The following TRANK1 variants were observed in gnomAD, a reference collection of about 807,000 sequenced individuals.
The protein encoded by TRANK1 is TPR and ankyrin repeat-containing protein 1.
In TRANK1, 198 loss-of-function variants were observed where a neutral mutation model predicts 266.0. The observed-to-expected ratio is 0.74, with a 90% confidence interval of 0.66 to 0.84. TRANK1 has a LOEUF of 0.84. Ranked by LOEUF, TRANK1 falls within the 40% of genes least tolerant of loss-of-function variation. TRANK1 has a pLI of 0.00. For missense variants in TRANK1, 3,326 were observed against 3,634.6 expected, an observed-to-expected ratio of 0.92 and a Z score of 2.18; for synonymous variants, 1,396 against 1,384.1, an observed-to-expected ratio of 1.01 and a Z score of -0.19.
At chr3:36,921,320 G>A (rs1336312133) in intron 1 of TRANK1, among the ~76,000 whole-genome samples, 1 of 152,206 alleles carries the variant, frequency 6.6e-6, no homozygotes, top group African/African-American at 2.4e-5. Flanking sequence ...CCCTGTCCAG[G>A]TGTGCTCTCA....
intron 18 of TRANK1, 76 bp downstream of exon 18, chr3:36,842,546 A>G (rs1575188250): frequency 7.7e-7 from 1 of 1,303,296 alleles, no homozygotes; most frequent in African/African-American, 1.5e-5. Context: ...GGTGACAAAC[A>G]CCATGATGTG....
At chr3:36,845,203 C>T (rs746343897) in intron 17 of TRANK1, among the ~76,000 whole-genome samples, 26 of 152,182 alleles carry the variant, frequency 1.7e-4, no homozygotes, top group Admixed American at 4.6e-4. Context: ...TAGGTGTATA[C>T]ATGAATTTAT....
At chr3:36,870,737 C>T (rs2079295416) in intron 9 of TRANK1, among the ~76,000 whole-genome samples, 1 of 152,142 alleles carries the variant, frequency 6.6e-6, no homozygotes, top group South Asian at 2.1e-4. Flanking sequence ...GAACGATGCA[C>T]AGTCCTCTCA....
intron 17 of TRANK1, 28 bp from the exon 18 acceptor site, chr3:36,842,738 C>A (rs2078864292): frequency 1.3e-6 from 2 of 1,589,796 alleles, no homozygotes; most frequent in East Asian, 4.5e-5. Context: ...AGTGTGTTTG[C>A]TTCTCTGGGC....
At chr3:36,829,486 G>T in intron 23 of TRANK1, 78 bp downstream of exon 23, 1 of 1,467,566 alleles carries the variant, frequency 6.8e-7, no homozygotes, top group Non-Finnish European at 9.5e-7. Context: ...CCCCACTTCA[G>T]ATTCCCCCCG....
intron 11 of TRANK1, among the ~76,000 whole-genome samples, chr3:36,859,273 T>C (rs956900975): frequency 5.3e-5 from 8 of 151,200 alleles, no homozygotes; most frequent in Admixed American, 1.3e-4. Context: ...CTTGCTTCTT[T>C]TTTTTTTTTT....
chr3:36,896,160 A>G (rs1372583769), intron 4 of TRANK1, among the ~76,000 whole-genome samples: 1 of 152,272 alleles, frequency 6.6e-6, no homozygotes, highest in Non-Finnish European at 1.5e-5. Flanking sequence ...CCAAAACATT[A>G]GAAACTATGA....
At chr3:36,874,905 G>C (rs2079363714) in intron 8 of TRANK1, among the ~76,000 whole-genome samples, 1 of 151,790 alleles carries the variant, frequency 6.6e-6, no homozygotes, top group East Asian at 1.9e-4. Flanking sequence ...GACTTAAATG[G>C]GCACAGAGAG....
intron 1 of TRANK1, among the ~76,000 whole-genome samples, chr3:36,932,487 T>C (rs2080373333): frequency 6.6e-6 from 1 of 152,156 alleles, no homozygotes; most frequent in Non-Finnish European, 1.5e-5. Context: ...CGCTTGAACC[T>C]GGGAGGTGGA....
rs764277710 is a variant in TRANK1 at position 36,833,178 on chromosome 3, C to A, written c.6405G>T (p.Gly2135=). The change falls in exon 22 of 24, where the codon GGG becomes GGT. Residue 2135 remains glycine, a synonymous_variant. Coordinates refer to ENST00000645898, the MANE Select transcript of TRANK1 (RefSeq NM_001329998.2). The part of the protein sequence containing the change: ...KYCQIAQNDP[G]PILRIIFDLD... ...GGTCAAAAATTATTCTTAATATGGG[C>A]CCAGGGTCATTCTGAGCTATCTGGC... The A allele has an allele frequency of 1.9e-6, 3 of 1,613,796 alleles. No homozygotes were observed. The highest frequency in any genetic ancestry group is 2.5e-6 in the Non-Finnish European group (3 of 1,179,812).
In TRANK1 at chr3:36,889,959, T is replaced by C; in HGVS notation, c.777A>G (p.Arg259=). 1 of 1,536,758 alleles carries C rather than the reference T, an allele frequency of 6.5e-7. No homozygotes were observed. Among genetic ancestry groups the C allele is most frequent in the Non-Finnish European group, 8.7e-7 (1 of 1,146,732 alleles). ...HALMRLCIQA[R]ENHLFRWLMD... The stretch of plus-strand genomic sequence containing the variant: ...TTAACCACCGGAAAAGATGGTTTTC[T>C]CCTGAAGGGAATTAAAATGACTTAC... Residue 259 remains arginine, a splice_region_variant and synonymous_variant, in exon 8 of 24, where the codon AGA becomes AGG. Transcript: ENST00000645898.
At chr3:36,890,113 AC>A (rs1318664298) in intron 7 of TRANK1, among the ~76,000 whole-genome samples, 153 bp from the exon 8 acceptor site, 1 of 152,200 alleles carries the variant, frequency 6.6e-6, no homozygotes, top group Non-Finnish European at 1.5e-5. Flanking sequence ...GAGGAATCCA[AC>A]ATACGTTTCC....
At chr3:36,917,935 T>C (rs1386765597) in intron 1 of TRANK1, among the ~76,000 whole-genome samples, 1 of 152,068 alleles carries the variant, frequency 6.6e-6, no homozygotes, top group Non-Finnish European at 1.5e-5. Flanking sequence ...GGAGCTATAA[T>C]GAAAAAATGC....
chr3:36,905,677 C>T (rs900783177), intron 2 of TRANK1, among the ~76,000 whole-genome samples: 5 of 152,210 alleles, frequency 3.3e-5, no homozygotes, highest in East Asian at 1.9e-4. Flanking sequence ...CAGTGACTGA[C>T]TGATATGAGA....
intron 1 of TRANK1, among the ~76,000 whole-genome samples, chr3:36,921,744 G>A (rs756178943): frequency 6.6e-6 from 1 of 152,218 alleles, no homozygotes; most frequent in Non-Finnish European, 1.5e-5. Flanking sequence ...ATGGTAGGTG[G>A]CCAGGGAAGA....
Position 36,838,525 on chromosome 3 carries a change from T to G in TRANK1, c.5385-21A>C, listed in dbSNP as rs143747705. The G allele has an allele frequency of 8.7e-6, 14 of 1,614,004 alleles. No homozygotes were observed. In the East Asian group the frequency reaches 3.1e-4, roughly 36 times the overall value. The stretch of plus-strand genomic sequence containing the variant: ...TTTCCCTAGGGGAAGGAAAACAAAA[T>G]AATATTTCCACGGAACATTGACCCT... On this transcript the variant is annotated intron_variant, in intron 19 of 23. Coordinates refer to ENST00000645898, the MANE Select transcript of TRANK1 (RefSeq NM_001329998.2).
At chr3:36,901,969 TC>T (rs2125622703) in intron 3 of TRANK1, among the ~76,000 whole-genome samples, 1 of 152,262 alleles carries the variant, frequency 6.6e-6, no homozygotes, top group Non-Finnish European at 1.5e-5. Context: ...GGAAGAAATT[TC>T]CCAGGAATGC....
intron 8 of TRANK1, among the ~76,000 whole-genome samples, chr3:36,881,339 A>G (rs2079528729): frequency 6.6e-6 from 1 of 151,960 alleles, no homozygotes; most frequent in Non-Finnish European, 1.5e-5. Context: ...GTAGTCCCAG[A>G]TACTGGGGAG....
intron 20 of TRANK1, 70 bp downstream of exon 20, chr3:36,838,302 G>T: frequency 6.3e-7 from 1 of 1,583,444 alleles, no homozygotes; most frequent in South Asian, 1.2e-5. Flanking sequence ...AGTAGAGGTC[G>T]AGCCTACCCC....
Sources: gnomAD v4.1 joint callset for allele counts (sites outside exome capture counted in the v4.1 genomes callset) on GRCh38, gnomAD v4.1.1 for gene constraint, MANE v1.5 for transcripts, NCBI Gene and HGNC (gene_info 2026-07-23, HGNC 2026-07-21) for gene names.